LYPD6B: variants seen among roughly 807,000 people sequenced by gnomAD.
LYPD6B encodes ly6/PLAUR domain-containing protein 6B.
LYPD6B carries 17 observed loss-of-function variants against 22.8 expected under a neutral mutation model. The ratio of observed to expected loss-of-function variants is 0.75; its 90% CI spans 0.51 to 1.12. LYPD6B has a LOEUF of 1.12. LYPD6B is among the 50% of genes most tolerant of loss of function. LYPD6B has a pLI of 0.00. For missense variants in LYPD6B, 221 were observed against 258.3 expected, an observed-to-expected ratio of 0.86 and a Z score of 0.99; for synonymous variants, 106 against 91.6, an observed-to-expected ratio of 1.16 and a Z score of -0.90.
chr2:149,085,505 G>T (rs1227597147), intron 1 of LYPD6B, among the ~76,000 whole-genome samples: 3 of 152,222 alleles, frequency 2.0e-5, no homozygotes, highest in Non-Finnish European at 4.4e-5. Context: ...TTTCTTTGGG[G>T]TTTCTTTTGC....
chr2:149,159,610 G>A (rs925294849), intron 2 of LYPD6B, among the ~76,000 whole-genome samples: 4 of 151,532 alleles, frequency 2.6e-5, no homozygotes, highest in African/African-American at 9.7e-5. Flanking sequence ...GTGTGTGTGT[G>A]TGTGTGTGTG....
chr2:149,191,539 G>A (rs1237661119), intron 3 of LYPD6B, among the ~76,000 whole-genome samples: 1 of 152,098 alleles, frequency 6.6e-6, no homozygotes, highest in South Asian at 2.1e-4. Flanking sequence ...TCATTTGTCT[G>A]TCTGCTCATA....
rs537213092 is a variant in LYPD6B at position 149,183,307 on chromosome 2, G to A, written c.78-21946G>A. 3.3e-5 allele frequency among the ~76,000 whole-genome samples: 5 copies of A among 152,282 alleles called. No homozygotes were observed. In the South Asian group the frequency reaches 6.2e-4, roughly 19 times the overall value. On this transcript the variant is annotated intron_variant, in intron 3 of 6. Coordinates refer to ENST00000409642, the MANE Select transcript of LYPD6B (RefSeq NM_177964.5). ...TTGCCCAATTCCTAGTTTAGGGTGC[G>A]TAGACTGAGCCTCAGCAAGATACCT... is the stretch of plus-strand genomic sequence containing the variant.
chr2:149,126,245 G>A (rs2105654126), intron 1 of LYPD6B, among the ~76,000 whole-genome samples: 1 of 152,228 alleles, frequency 6.6e-6, no homozygotes, highest in Non-Finnish European at 1.5e-5. Context: ...CTCTAGATGT[G>A]GAATATAGTT....
chr2:149,129,780 A>G (rs1019054890), intron 1 of LYPD6B, among the ~76,000 whole-genome samples: 2 of 152,252 alleles, frequency 1.3e-5, no homozygotes, highest in African/African-American at 2.4e-5. Flanking sequence ...TAGGCAGAGC[A>G]GAGAGCCTGT....
chr2:149,066,415 G>T (rs1235899145), intron 1 of LYPD6B, among the ~76,000 whole-genome samples: 8 of 151,262 alleles, frequency 5.3e-5, no homozygotes, highest in Non-Finnish European at 1.2e-4. Flanking sequence ...CTATGAGTGA[G>T]AACATGCAGT....
chr2:149,170,024 G>A (rs1014664980), intron 3 of LYPD6B, among the ~76,000 whole-genome samples: 1 of 152,210 alleles, frequency 6.6e-6, no homozygotes, highest in Non-Finnish European at 1.5e-5. Context: ...GGACATGGAA[G>A]CTGTGGATCC....
intron 1 of LYPD6B, among the ~76,000 whole-genome samples, chr2:149,046,211 C>T (rs1683297762): frequency 6.6e-6 from 1 of 152,076 alleles, no homozygotes. Flanking sequence ...TACAGATACT[C>T]CAGCTTTTTT....
At chr2:149,205,152 T>G in intron 3 of LYPD6B, 101 bp from the exon 4 acceptor site, 1 of 1,216,988 alleles carries the variant, frequency 8.2e-7, no homozygotes, top group Non-Finnish European at 1.2e-6. Context: ...AGGTAGATGG[T>G]TGGATATATT....
intron 1 of LYPD6B, among the ~76,000 whole-genome samples, chr2:149,113,627 G>A (rs188467895): frequency 5.9e-5 from 9 of 152,178 alleles, no homozygotes; most frequent in African/African-American, 1.7e-4. Context: ...TGTATATGCT[G>A]TTCCATTTGA....
At chr2:149,152,326 T>C (rs969462525) in intron 2 of LYPD6B, among the ~76,000 whole-genome samples, 1 of 152,220 alleles carries the variant, frequency 6.6e-6, no homozygotes, top group African/African-American at 2.4e-5. Context: ...TCATGGGGTA[T>C]GTACGTAACT....
intron 1 of LYPD6B, among the ~76,000 whole-genome samples, chr2:149,051,228 C>T (rs921485357): frequency 2.0e-5 from 3 of 151,822 alleles, no homozygotes; most frequent in Admixed American, 6.6e-5. Flanking sequence ...TGCAGTGGCA[C>T]GAACTTGGCT....
At chr2:149,175,055 C>CTT (rs1406656896) in intron 3 of LYPD6B, among the ~76,000 whole-genome samples, 7 of 133,426 alleles carry the variant, frequency 5.2e-5, no homozygotes, top group Non-Finnish European at 9.6e-5. Context: ...CTCTCTCTCT[C>CTT]TCTCTCTGTG....
chr2:149,058,722 C>T (rs374311900), intron 1 of LYPD6B, among the ~76,000 whole-genome samples: 315 of 152,302 alleles, frequency 2.1e-3, no homozygotes, highest in Non-Finnish European at 2.9e-3. Context: ...CAGGTTCCAG[C>T]GATTCTCCTG....
chr2:149,141,138 G>A (rs948960459), intron 2 of LYPD6B, among the ~76,000 whole-genome samples: 6 of 152,086 alleles, frequency 3.9e-5, no homozygotes, highest in Admixed American at 2.0e-4. Flanking sequence ...AGATTGATAG[G>A]GTAGAATATT....
At chr2:149,103,032 T>C (rs1222181715) in intron 1 of LYPD6B, among the ~76,000 whole-genome samples, 1 of 152,214 alleles carries the variant, frequency 6.6e-6, no homozygotes. Flanking sequence ...AATATACTTC[T>C]ATGTACACAT....
intron 1 of LYPD6B, among the ~76,000 whole-genome samples, chr2:149,115,384 T>C (rs577662555): frequency 1.8e-3 from 275 of 152,360 alleles, no homozygotes; most frequent in Admixed American, 3.4e-3. Context: ...GATAATTAGA[T>C]GTCAGATCCT....
At chr2:149,145,404 A>T (rs906529657) in intron 2 of LYPD6B, among the ~76,000 whole-genome samples, 2 of 152,208 alleles carry the variant, frequency 1.3e-5, no homozygotes, top group Admixed American at 1.3e-4. Context: ...AGATACTAAC[A>T]GTTTACTTGG....
At chr2:149,084,652 G>T (rs181942564) in intron 1 of LYPD6B, among the ~76,000 whole-genome samples, 22 of 152,284 alleles carry the variant, frequency 1.4e-4, no homozygotes, top group Non-Finnish European at 2.8e-4. Context: ...TTGTTCAATG[G>T]ACAGAGGTAG....
Sources: gnomAD v4.1 joint callset for allele counts (sites outside exome capture counted in the v4.1 genomes callset) on GRCh38, gnomAD v4.1.1 for gene constraint, MANE v1.5 for transcripts, NCBI Gene and HGNC (gene_info 2026-07-23, HGNC 2026-07-21) for gene names.